The following NCAM2 variants were observed in gnomAD, a reference collection of about 807,000 sequenced individuals.
The protein encoded by NCAM2 is neural cell adhesion molecule 2, also known as N-CAM-2.
NCAM2 carries 30 observed loss-of-function variants against 98.1 expected under a neutral mutation model. That is an observed-to-expected ratio of 0.31 (90% CI 0.23 to 0.41). The LOEUF (loss-of-function observed/expected upper bound fraction) is 0.41. NCAM2 is among the 10% of genes least tolerant of loss of function. The probability of loss-of-function intolerance (pLI) is 1.00; values close to 1 mark genes in which losing one functional copy is unlikely to be tolerated. For synonymous variants in NCAM2, 368 were observed against 342.4 expected, an observed-to-expected ratio of 1.07 and a Z score of -0.83; for missense variants, 867 against 1,005.8, an observed-to-expected ratio of 0.86 and a Z score of 1.87.
chr21:21,304,185 A>G (rs954011634), intron 5 of NCAM2, among the ~76,000 whole-genome samples: 1 of 152,090 alleles, frequency 6.6e-6, no homozygotes, highest in African/African-American at 2.4e-5. Context: ...TGTAAAACAA[A>G]TATGTTAATA....
chr21:21,355,435 C>T (rs2075445625), intron 8 of NCAM2, among the ~76,000 whole-genome samples: 1 of 120,764 alleles, frequency 8.3e-6, no homozygotes, highest in Non-Finnish European at 1.6e-5. Flanking sequence ...GCACTCCAGC[C>T]TGAGTGACAG....
chr21:21,540,134 T>A lies in NCAM2; in HGVS notation c.*2177T>A, dbSNP rs1292244133. On this transcript the variant is annotated 3_prime_UTR_variant, in exon 18 of 18. Transcript: ENST00000400546. ...ATGTTTACTATTGTTATATTCGTGC[T>A]TTACTTCAAGAGTGCAGAAATCATA... The A allele has an allele frequency of 6.6e-6, 1 of 152,088 alleles. No individual in the cohort carries two copies. The allele number at this position is 152,088 out of a possible 1,614,324, so 9.4% of individuals were successfully genotyped here.
Position 21,353,839 on chromosome 21 carries a change from A to G in NCAM2, c.1044+15305A>G, listed in dbSNP as rs1046021748. On this transcript the variant is annotated intron_variant, in intron 8 of 17. Coordinates refer to ENST00000400546, the MANE Select transcript of NCAM2 (RefSeq NM_004540.5). ...CTAAATAGGGCATTAAGGTAGGAAA[A>G]AAAGAACATATTGTGCTCCACAAAA... 2.6e-5 allele frequency among the ~76,000 whole-genome samples: 4 copies of G among 152,322 alleles called. No homozygotes were observed. In the South Asian group the frequency reaches 8.3e-4, roughly 32 times the overall value.
At chr21:21,266,849 AC>A in intron 1 of NCAM2, among the ~76,000 whole-genome samples, 1 of 152,300 alleles carries the variant, frequency 6.6e-6, no homozygotes, top group South Asian at 2.1e-4. Flanking sequence ...GTGCACATGT[AC>A]CCTAGAACTT....
chr21:21,531,241 T>G (rs1989677073), intron 16 of NCAM2, among the ~76,000 whole-genome samples: 1 of 152,216 alleles, frequency 6.6e-6, no homozygotes, highest in Non-Finnish European at 1.5e-5. Flanking sequence ...AAAGTTTATA[T>G]TTTTATCTGC....
chr21:21,326,992 G>T (rs1444857557), intron 6 of NCAM2, among the ~76,000 whole-genome samples: 2 of 152,190 alleles, frequency 1.3e-5, no homozygotes, highest in Non-Finnish European at 2.9e-5. Flanking sequence ...TTCCAAGCGA[G>T]ATAAGTGAAG....
At chr21:21,144,947 T>C (rs1017288845) in intron 1 of NCAM2, among the ~76,000 whole-genome samples, 2 of 152,070 alleles carry the variant, frequency 1.3e-5, no homozygotes, top group Non-Finnish European at 2.9e-5. Flanking sequence ...AAAAGCAAAT[T>C]AATATAGGAC....
At chr21:21,091,535 G>A (rs2066011837) in intron 1 of NCAM2, among the ~76,000 whole-genome samples, 1 of 152,034 alleles carries the variant, frequency 6.6e-6, no homozygotes, top group East Asian at 1.9e-4. Flanking sequence ...TCACAAAAAA[G>A]GTTTAATTGG....
chr21:21,200,504 A>G (rs1473458911), intron 1 of NCAM2, among the ~76,000 whole-genome samples: 1 of 152,156 alleles, frequency 6.6e-6, no homozygotes, highest in Non-Finnish European at 1.5e-5. Flanking sequence ...AAGAAGATAG[A>G]AACCAATAGG....
rs143523121 is a variant in NCAM2 at position 21,310,190 on chromosome 21, C to G, written c.620-14193C>G. On this transcript the variant is annotated intron_variant, in intron 5 of 17. Transcript: ENST00000400546. ...TCCTACTTTATCCATACATCTTGTT[C>G]TATAATAAATTATTTTTATTAATTA... Among the ~76,000 whole-genome samples the G allele has an allele frequency of 3.3e-5, 5 of 152,202 alleles. No homozygotes were observed. In the East Asian group the frequency reaches 9.7e-4, roughly 29 times the overall value.
intron 1 of NCAM2, among the ~76,000 whole-genome samples, chr21:21,160,944 C>A (rs1219737533): frequency 1.3e-5 from 2 of 151,902 alleles, no homozygotes; most frequent in Non-Finnish European, 2.9e-5. Flanking sequence ...GATTTTTCAT[C>A]CAGTCTAAAT....
In NCAM2 at chr21:21,441,265, C is replaced by A. The variant is rs148043184; in HGVS notation, c.1654+8984C>A. ...TGGAATACCAAAAACAAAAACAATA[C>A]CTTTTAAGTGACATCCTAGTGAATC... On this transcript the variant is annotated intron_variant, in intron 12 of 17. Transcript: ENST00000400546. 3.9e-5 allele frequency among the ~76,000 whole-genome samples: 6 copies of A among 152,222 alleles called. 1 individual carries two copies. The highest frequency in any genetic ancestry group is 1.4e-4 in the African/African-American group (6 of 41,552).
chr21:21,336,525 C>T (rs148211580), intron 7 of NCAM2, among the ~76,000 whole-genome samples: 1,821 of 152,002 alleles, frequency 0.012, 32 homozygotes, highest in African/African-American at 0.042. Context: ...TGTAACTAAC[C>T]TGCACGTTGT....
chr21:21,352,565 T>C (rs749055956), intron 8 of NCAM2, among the ~76,000 whole-genome samples: 3 of 152,020 alleles, frequency 2.0e-5, no homozygotes, highest in Non-Finnish European at 2.9e-5. Context: ...ACTTTCTTGC[T>C]TTTGGTGTGT....
intron 1 of NCAM2, among the ~76,000 whole-genome samples, chr21:21,252,167 T>C (rs529715227): frequency 6.6e-6 from 1 of 152,116 alleles, no homozygotes; most frequent in Non-Finnish European, 1.5e-5. Flanking sequence ...CTCATGCCAG[T>C]TAGAATGGTG....
At chr21:21,122,375 C>T (rs2066693562) in intron 1 of NCAM2, among the ~76,000 whole-genome samples, 1 of 151,968 alleles carries the variant, frequency 6.6e-6, no homozygotes, top group Non-Finnish European at 1.5e-5. Flanking sequence ...AATCTAGAGC[C>T]CTAATTTAGT....
intron 8 of NCAM2, among the ~76,000 whole-genome samples, chr21:21,343,708 C>T (rs776612524): frequency 6.6e-6 from 1 of 152,156 alleles, no homozygotes; most frequent in African/African-American, 2.4e-5. Context: ...AAGGAATCAC[C>T]GATTCCAGCG....
intron 15 of NCAM2, among the ~76,000 whole-genome samples, chr21:21,483,705 T>C (rs1180968561): frequency 6.6e-6 from 1 of 152,132 alleles, no homozygotes; most frequent in Non-Finnish European, 1.5e-5. Context: ...ATTTTCAGTC[T>C]AACCTAAATA....
intron 17 of NCAM2, among the ~76,000 whole-genome samples, chr21:21,537,277 C>T (rs1268317994): frequency 6.6e-6 from 1 of 151,930 alleles, no homozygotes; most frequent in Non-Finnish European, 1.5e-5. Context: ...GAACTCCTGA[C>T]CTCAAGTGAT....
Sources: gnomAD v4.1 joint callset for allele counts (sites outside exome capture counted in the v4.1 genomes callset) on GRCh38, gnomAD v4.1.1 for gene constraint, MANE v1.5 for transcripts, NCBI Gene and HGNC (gene_info 2026-07-23, HGNC 2026-07-21) for gene names.